TASP1: variants seen among roughly 807,000 people sequenced by gnomAD.
TASP1 encodes threonine aspartase 1.
In TASP1, 16 loss-of-function variants were observed where a neutral mutation model predicts 56.6. The ratio of observed to expected loss-of-function variants is 0.28; its 90% confidence interval spans 0.19 to 0.43. The LOEUF (loss-of-function observed/expected upper bound fraction) is 0.43, where lower values mean the gene tolerates loss of function less well. TASP1 is among the 20% of genes least tolerant of loss of function. The pLI, the probability that TASP1 is intolerant of heterozygous loss-of-function variation, is 1.00. For synonymous variants in TASP1, 179 were observed against 184.2 expected (o/e 0.97, Z 0.23); for missense variants, 393 against 511.6 (o/e 0.77, Z 2.24).
chr20:13,377,079 C>T, the TASP1 span, among the ~76,000 whole-genome samples: 3 of 152,278 alleles, frequency 2.0e-5, no homozygotes, highest in African/African-American at 7.2e-5. Context: ...TTTCTCTTGT[C>T]TGATTGCCCT....
At chr20:13,249,063 G>C in the TASP1 span, among the ~76,000 whole-genome samples, 1 of 152,194 alleles carries the variant, frequency 6.6e-6, no homozygotes, top group African/African-American at 2.4e-5. Context: ...CAGGAGCCCT[G>C]CAAAGAACCT....
the TASP1 span, among the ~76,000 whole-genome samples, chr20:13,185,235 G>C: frequency 1.3e-5 from 2 of 152,020 alleles, no homozygotes; most frequent in African/African-American, 4.8e-5. Flanking sequence ...AATAATATAA[G>C]TTGTGTTTTG....
At chr20:13,395,596 T>C (rs1304118017) in intron 13 of TASP1, among the ~76,000 whole-genome samples, 2 of 152,184 alleles carry the variant, frequency 1.3e-5, no homozygotes, top group African/African-American at 4.8e-5. Flanking sequence ...GTAAATATGG[T>C]ATATGGTACT....
chr20:13,143,084 A>G, the TASP1 span, among the ~76,000 whole-genome samples: 1 of 152,204 alleles, frequency 6.6e-6, no homozygotes, highest in Non-Finnish European at 1.5e-5. Context: ...ATCTGCTTCA[A>G]CTTGAGCACT....
chr20:13,352,551 C>G, the TASP1 span, among the ~76,000 whole-genome samples: 1 of 152,018 alleles, frequency 6.6e-6, no homozygotes, highest in African/African-American at 2.4e-5. Flanking sequence ...TATATTCCTT[C>G]AGCATATTAC....
the TASP1 span, among the ~76,000 whole-genome samples, chr20:13,282,454 T>C: frequency 1.3e-5 from 2 of 152,220 alleles, no homozygotes; most frequent in African/African-American, 4.8e-5. Flanking sequence ...AGAGTACAGT[T>C]TGCTGAATTT....
the TASP1 span, among the ~76,000 whole-genome samples, chr20:13,332,722 C>A: frequency 6.6e-6 from 1 of 152,210 alleles, no homozygotes; most frequent in Non-Finnish European, 1.5e-5. Flanking sequence ...ACCTTTTCCA[C>A]TCTATGTCAT....
chr20:13,378,088 G>A, the TASP1 span, among the ~76,000 whole-genome samples: 1 of 151,904 alleles, frequency 6.6e-6, no homozygotes, highest in Non-Finnish European at 1.5e-5. Flanking sequence ...GTTCTACTCT[G>A]ATCTTAGTTA....
chr20:13,388,125 T>C (rs546244793), downstream of TASP1, among the ~76,000 whole-genome samples: 31 of 152,320 alleles, frequency 2.0e-4, 1 homozygote, highest in South Asian at 5.0e-3. Context: ...GTTAAAAGCA[T>C]CCATGTTAAA....
At chr20:13,413,148 T>G (rs1018327956) in intron 13 of TASP1, among the ~76,000 whole-genome samples, 2 of 152,272 alleles carry the variant, frequency 1.3e-5, no homozygotes, top group Admixed American at 6.5e-5. Context: ...ACAGAAATCC[T>G]GGCACGACCT....
At chr20:13,528,280 C>T (rs1207837561) in intron 10 of TASP1, among the ~76,000 whole-genome samples, 153 bp downstream of exon 10, 1 of 118,364 alleles carries the variant, frequency 8.4e-6, no homozygotes, top group Non-Finnish European at 1.8e-5. Flanking sequence ...TGATACTAAA[C>T]AACCCTTAAA....
the TASP1 span, among the ~76,000 whole-genome samples, chr20:13,172,086 C>A: frequency 2.6e-5 from 4 of 151,766 alleles, no homozygotes; most frequent in African/African-American, 9.7e-5. Flanking sequence ...TGTAAAACGA[C>A]AAAGAGGATA....
chr20:13,633,792 A>G (rs1055787688), intron 1 of TASP1, among the ~76,000 whole-genome samples: 1 of 152,156 alleles, frequency 6.6e-6, no homozygotes, highest in Admixed American at 6.5e-5. Flanking sequence ...AAAGATTTCC[A>G]ATGAAAGGAG....
chr20:13,318,170 C>T, the TASP1 span, among the ~76,000 whole-genome samples: 8 of 23,704 alleles, frequency 3.4e-4, no homozygotes, highest in Non-Finnish European at 7.4e-4. Flanking sequence ...TAAAAATGAG[C>T]CAAAGACTCT....
chr20:13,263,024 T>C, the TASP1 span, among the ~76,000 whole-genome samples: 2 of 152,188 alleles, frequency 1.3e-5, no homozygotes, highest in South Asian at 4.1e-4. Flanking sequence ...GAGCCCATGA[T>C]GTACCTGTGT....
the TASP1 span, among the ~76,000 whole-genome samples, chr20:13,373,539 ATTG>A: frequency 5.5e-5 from 8 of 145,792 alleles, no homozygotes; most frequent in African/African-American, 1.5e-4. Flanking sequence ...TTCTTGGTTG[ATTG>A]TTGTTGTTTA....
the TASP1 span, among the ~76,000 whole-genome samples, chr20:13,373,843 CTCTT>C: frequency 2.6e-5 from 4 of 152,072 alleles, no homozygotes; most frequent in Non-Finnish European, 5.9e-5. Context: ...CTTCTCCTTT[CTCTT>C]TCTTTTCTTC....
chr20:13,236,284 G>A, the TASP1 span, among the ~76,000 whole-genome samples: 5 of 152,134 alleles, frequency 3.3e-5, no homozygotes, highest in Non-Finnish European at 7.3e-5. Flanking sequence ...TACAGTAGAA[G>A]ACAATTATGT....
At chr20:13,296,231 C>T in the TASP1 span, among the ~76,000 whole-genome samples, 3 of 152,174 alleles carry the variant, frequency 2.0e-5, no homozygotes, top group Non-Finnish European at 1.5e-5. Context: ...CAACTGGCAA[C>T]CCCTCTGTGC....
Sources: gnomAD v4.1 joint callset for allele counts (sites outside exome capture counted in the v4.1 genomes callset) on GRCh38, gnomAD v4.1.1 for gene constraint, MANE v1.5 for transcripts, NCBI Gene and HGNC (gene_info 2026-07-23, HGNC 2026-07-21) for gene names.